Variants in ABR observed in about 807,000 individuals in gnomAD.
ABR encodes the protein ABR activator of RhoGEF and GTPase.
A neutral mutation model predicts 107.2 loss-of-function variants in ABR; 35 were observed. That is an observed-to-expected ratio of 0.33 (90% CI 0.25 to 0.43). ABR has a LOEUF of 0.43. Ranked by LOEUF, ABR falls within the 20% of genes least tolerant of loss-of-function variation. ABR has a pLI of 1.00. For missense variants in ABR, 815 were observed against 1,115.2 expected, an observed-to-expected ratio of 0.73 and a Z score of 3.83; for synonymous variants, 498 against 462.0, an observed-to-expected ratio of 1.08 and a Z score of -1.00.
chr17:1,033,539 C>T (rs2072960309), intron 16 of ABR, among the ~76,000 whole-genome samples: 2 of 152,350 alleles, frequency 1.3e-5, no homozygotes, highest in South Asian at 2.1e-4. Context: ...CAGGATCTGG[C>T]CCTGGACTAT....
chr17:1,164,772 T>A (rs2041441605), intron 1 of ABR, among the ~76,000 whole-genome samples: 1 of 152,092 alleles, frequency 6.6e-6, no homozygotes, highest in Non-Finnish European at 1.5e-5. Flanking sequence ...GCTCAAGCCA[T>A]CCTCCCACCT....
At chr17:1,012,414 C>T (rs749680986) in intron 18 of ABR, 185 of 675,806 alleles carry the variant, frequency 2.7e-4, no homozygotes, top group South Asian at 6.0e-4. Context: ...CGTAGGCCCC[C>T]GGCTGACAGA....
chr17:1,083,624 T>C lies in ABR; in HGVS notation c.535A>G (p.Ser179Gly). 1 of 1,610,722 alleles carries C rather than the reference T, an allele frequency of 6.2e-7. No homozygotes were observed. Among genetic ancestry groups the C allele is most frequent in the Non-Finnish European group, 8.5e-7 (1 of 1,178,086 alleles). The part of the protein sequence containing the change: ...TMGHLFQKLA[S>G]QLGVYKAFVD... ...AACGCTTTGTACACACCGAGCTGGCTGGCCTGCAGGGAGGAGTCAGGGAAC... is the reference window on the plus strand; with the variant it reads ...AACGCTTTGTACACACCGAGCTGGCCGGCCTGCAGGGAGGAGTCAGGGAAC... The change falls in exon 5 of 23, where the codon AGC becomes GGC. Residue 179 changes from serine to glycine, a missense_variant. Ser to Gly is a moderately conservative substitution (Grantham distance 56). Transcript: ENST00000302538.
chr17:1,016,760 GGCAATA>G (rs1308453136), intron 16 of ABR, among the ~76,000 whole-genome samples: 1 of 152,096 alleles, frequency 6.6e-6, no homozygotes, highest in Non-Finnish European at 1.5e-5. Flanking sequence ...ATGGCTTTCT[GGCAATA>G]GCACCTATGG....
chr17:1,138,999 TTGTGGCTTG>T (rs1397382535), intron 1 of ABR, among the ~76,000 whole-genome samples: 1 of 152,240 alleles, frequency 6.6e-6, no homozygotes, highest in Non-Finnish European at 1.5e-5. Flanking sequence ...AGTGCATAAC[TTGTGGCTTG>T]TAGCTGTGTC....
intron 16 of ABR, among the ~76,000 whole-genome samples, chr17:1,042,436 G>A (rs946797708): frequency 6.7e-6 from 1 of 148,588 alleles, no homozygotes; most frequent in Non-Finnish European, 1.5e-5. Flanking sequence ...TACATCCACA[G>A]ATGGACAGGC....
chr17:1,097,969 C>A (rs2037587289), intron 3 of ABR, among the ~76,000 whole-genome samples: 1 of 152,262 alleles, frequency 6.6e-6, no homozygotes, highest in South Asian at 2.1e-4. Context: ...TCTTCTCAAC[C>A]CCATGGAAAG....
At chr17:1,125,882 C>T (rs1474942703) in intron 1 of ABR, 1 of 159,820 alleles carries the variant, frequency 6.3e-6, no homozygotes, top group Admixed American at 6.5e-5. Flanking sequence ...GGAGGGGAGC[C>T]CTCAGCCCTC....
At chr17:1,046,772 A>G (rs2031681807) in intron 16 of ABR, among the ~76,000 whole-genome samples, 1 of 152,164 alleles carries the variant, frequency 6.6e-6, no homozygotes, top group African/African-American at 2.4e-5. Flanking sequence ...TACCATACGC[A>G]GAGATGCCTT....
intron 16 of ABR, among the ~76,000 whole-genome samples, chr17:1,039,336 G>A (rs1037223298): frequency 2.6e-5 from 4 of 152,186 alleles, no homozygotes; most frequent in Admixed American, 6.5e-5. Flanking sequence ...AGAATCCACT[G>A]GGCAGAGTCC....
chr17:1,133,096 C>A (rs972289109), intron 1 of ABR, among the ~76,000 whole-genome samples: 1 of 152,124 alleles, frequency 6.6e-6, no homozygotes, highest in Non-Finnish European at 1.5e-5. Flanking sequence ...ACAAAATTAG[C>A]CAGGCGTGGT....
intron 1 of ABR, among the ~76,000 whole-genome samples, chr17:1,219,985 TCTGTGTCAATA>T: frequency 6.6e-6 from 1 of 151,858 alleles, no homozygotes; most frequent in African/African-American, 2.4e-5. Flanking sequence ...CCTTCCCAGC[TCTGTGTCAATA>T]AAAATTTTAA....
At position 1,198,738 on chromosome 17, in the gene ABR, C is replaced by T. The variant is rs142591086; in HGVS notation, c.838+30055G>A. ...GCAAGCTCCGCCTCCCGGGTTCACG[C>T]CATTCTCCTGCCTCAGCCTCTCCAG... On this transcript the variant is annotated intron_variant, in intron 1 of 22. Transcript: ENST00000574139. Among the ~76,000 whole-genome samples the T allele has an allele frequency of 6.5e-3, 975 of 150,688 alleles. 37 individuals are homozygous for T. Among genetic ancestry groups the T allele is most frequent in the African/African-American group, 0.023 (919 of 40,462 alleles).
At chr17:1,035,753 C>T (rs560225657) in intron 16 of ABR, among the ~76,000 whole-genome samples, 2 of 145,296 alleles carry the variant, frequency 1.4e-5, no homozygotes, top group Non-Finnish European at 3.0e-5. Flanking sequence ...AAAAACATTC[C>T]TAGTGGACCA....
chr17:1,142,935 T>C lies in ABR; in HGVS notation c.62-17568A>G, dbSNP rs117645945. 3.8e-3 allele frequency among the ~76,000 whole-genome samples: 574 copies of C among 151,886 alleles called. 30 individuals carry two copies. The East Asian group carries it at 0.093, about 25-fold the overall frequency. ...CGGCAACTGGAGGCCGGGCAGAGGCTGTGGGGCAGCTCACTCCTGGGAGGA... is the reference window on the plus strand; with the variant it reads ...CGGCAACTGGAGGCCGGGCAGAGGCCGTGGGGCAGCTCACTCCTGGGAGGA... On this transcript the variant is annotated intron_variant, in intron 1 of 22. Transcript: ENST00000302538.
rs1410273344 is a variant in ABR at position 1,070,354 on chromosome 17, T to C, written c.895-264A>G. ...TTCACCTTCTGTTAAGTGCGGACAG[T>C]GAGGTCTGCCTCATAAGGTGACTCA... On this transcript the variant is annotated intron_variant, in intron 8 of 22. Coordinates refer to ENST00000302538, the MANE Select transcript of ABR (RefSeq NM_021962.5). This position sits in a 1 kb window ranked among gnomAD's most constrained non-coding sequence, Gnocchi z 4.2. 6.6e-6 allele frequency among the ~76,000 whole-genome samples: 1 copy of C among 152,140 alleles called. No individual in the cohort carries two copies. The highest frequency in any genetic ancestry group is 2.4e-5 in the African/African-American group (1 of 41,436).
chr17:1,014,009 T>G (rs1269394578), intron 16 of ABR, among the ~76,000 whole-genome samples: 1 of 152,244 alleles, frequency 6.6e-6, no homozygotes, highest in East Asian at 1.9e-4. Context: ...ATTTCCAAGT[T>G]TAAATAGTTG....
At position 1,011,565 on chromosome 17, in the gene ABR, G is replaced by C. The variant is rs1168191513; in HGVS notation, c.2101+281C>G. 1 of 284,790 alleles carries C rather than the reference G, an allele frequency of 3.5e-6. No individual in the cohort carries two copies. The highest frequency in any genetic ancestry group is 6.5e-6 in the Non-Finnish European group (1 of 152,996). The allele number at this position is 284,790 out of a possible 1,614,324, so 17.6% of individuals were successfully genotyped here. A position where few individuals can be genotyped will look rare whatever the true frequency, so the allele number is the denominator to read the frequency against. ...CCCAGGAACTAGCAAGAAAGACACTGGAGTCAGATCTGAGTTTTAAGTCCA... is the reference window on the plus strand; with the variant it reads ...CCCAGGAACTAGCAAGAAAGACACTCGAGTCAGATCTGAGTTTTAAGTCCA... On this transcript the variant is annotated intron_variant, in intron 19 of 22. Coordinates refer to ENST00000302538, the MANE Select transcript of ABR (RefSeq NM_021962.5). This position sits in a 1 kb window ranked among gnomAD's most constrained non-coding sequence, Gnocchi z 4.8.
chr17:1,205,573 G>A (rs1489803045), intron 1 of ABR, among the ~76,000 whole-genome samples: 1 of 152,190 alleles, frequency 6.6e-6, no homozygotes, highest in Non-Finnish European at 1.5e-5. Flanking sequence ...AACTTTGGGA[G>A]GCCAAGGCAG....
Sources: allele counts gnomAD v4.1 joint callset (sites outside exome capture counted in the v4.1 genomes callset), GRCh38; gene constraint gnomAD v4.1.1; non-coding constraint Gnocchi (gnomAD v3.1); transcripts MANE v1.5; gene names NCBI Gene and HGNC (gene_info 2026-07-23, HGNC 2026-07-21).